The following SPOCK3 variants were observed in gnomAD, a reference collection of about 807,000 sequenced individuals.
The protein encoded by SPOCK3 is testican-3.
A neutral mutation model predicts 56.6 loss-of-function variants in SPOCK3; 30 were observed. The ratio of observed to expected loss-of-function variants is 0.53; its 90% confidence interval spans 0.40 to 0.72. The LOEUF is 0.72. Among genes scored for constraint, SPOCK3 ranks in the 30% least tolerant of loss-of-function variants. The probability of loss-of-function intolerance (pLI) is 0.00; values close to 1 mark genes in which losing one functional copy is unlikely to be tolerated. For missense variants in SPOCK3, 527 were observed against 530.0 expected (o/e 0.99, Z 0.06); for synonymous variants, 196 against 183.3 (o/e 1.07, Z -0.56).
intron 2 of SPOCK3, among the ~76,000 whole-genome samples, chr4:167,064,993 C>A (rs1755967285): frequency 8.3e-6 from 1 of 120,614 alleles, no homozygotes; most frequent in South Asian, 2.7e-4. Context: ...TTACAAACAG[C>A]CATAAACTCC....
chr4:166,993,727 T>C (rs1249835983), intron 4 of SPOCK3, among the ~76,000 whole-genome samples: 2 of 152,182 alleles, frequency 1.3e-5, no homozygotes, highest in African/African-American at 2.4e-5. Context: ...ATACAGTCAC[T>C]ATAATATTCG....
chr4:166,949,856 A>C (rs1432113689), intron 4 of SPOCK3, among the ~76,000 whole-genome samples: 1 of 152,068 alleles, frequency 6.6e-6, no homozygotes, highest in Non-Finnish European at 1.5e-5. Context: ...GTGAAGGAGA[A>C]ATAAAATACT....
At chr4:167,054,475 G>A (rs185645106) in intron 3 of SPOCK3, among the ~76,000 whole-genome samples, 117 of 152,226 alleles carry the variant, frequency 7.7e-4, no homozygotes, top group African/African-American at 2.8e-3. Flanking sequence ...CAAGATGTAT[G>A]TCCTCATCAA....
chr4:167,205,530 T>TATATATTATATAATATATAA (rs1343035754), intron 2 of SPOCK3, among the ~76,000 whole-genome samples: 2 of 60,206 alleles, frequency 3.3e-5, no homozygotes, highest in Non-Finnish European at 5.5e-5. Context: ...ATATATATTA[T>TATATATTATATAATATATAA]TATATAATAT....
intron 2 of SPOCK3, among the ~76,000 whole-genome samples, chr4:167,078,626 T>C (rs1216304463): frequency 1.3e-5 from 2 of 151,824 alleles, no homozygotes; most frequent in East Asian, 3.9e-4. Flanking sequence ...TTAAGTTTTC[T>C]TTGAATAATA....
At chr4:167,045,954 G>A (rs191586290) in intron 3 of SPOCK3, among the ~76,000 whole-genome samples, 36 of 152,026 alleles carry the variant, frequency 2.4e-4, no homozygotes, top group African/African-American at 6.3e-4. Flanking sequence ...CCTTGTCTCC[G>A]AAGAACTTCT....
chr4:167,210,164 T>A (rs1050170497), intron 2 of SPOCK3, among the ~76,000 whole-genome samples: 4 of 152,178 alleles, frequency 2.6e-5, no homozygotes, highest in South Asian at 2.1e-4. Context: ...TACGCACATT[T>A]AATTTCTTAT....
chr4:166,766,707 T>C (rs529924495), intron 7 of SPOCK3, among the ~76,000 whole-genome samples: 8 of 152,338 alleles, frequency 5.3e-5, no homozygotes, highest in African/African-American at 1.9e-4. Context: ...ACTCATAAAA[T>C]GAGTTAGGGA....
At chr4:166,923,183 C>G (rs1738695201) in intron 4 of SPOCK3, among the ~76,000 whole-genome samples, 1 of 152,192 alleles carries the variant, frequency 6.6e-6, no homozygotes, top group Non-Finnish European at 1.5e-5. Context: ...TCTACTCCAT[C>G]TTCCTATCAC....
intron 6 of SPOCK3, among the ~76,000 whole-genome samples, chr4:166,828,150 A>G (rs1448481973): frequency 6.6e-6 from 1 of 151,984 alleles, no homozygotes; most frequent in Admixed American, 6.6e-5. Flanking sequence ...TTGTTGGTTG[A>G]TATGTCCAAT....
At chr4:166,901,096 C>A (rs888766757) in intron 5 of SPOCK3, among the ~76,000 whole-genome samples, 3 of 152,166 alleles carry the variant, frequency 2.0e-5, no homozygotes, top group African/African-American at 7.2e-5. Flanking sequence ...AGTCTAGAAA[C>A]AGGAGATGGC....
chr4:166,981,879 T>A (rs1746616650), intron 4 of SPOCK3, among the ~76,000 whole-genome samples: 1 of 152,058 alleles, frequency 6.6e-6, no homozygotes, highest in South Asian at 2.1e-4. Context: ...GGGACTGAGG[T>A]GGGGAGGCTG....
At chr4:167,148,093 G>A (rs1029601756) in intron 2 of SPOCK3, among the ~76,000 whole-genome samples, 2 of 152,154 alleles carry the variant, frequency 1.3e-5, no homozygotes, top group African/African-American at 4.8e-5. Flanking sequence ...CAATGATGGA[G>A]ATATGGCCTC....
chr4:167,011,964 T>A (rs1443672159), intron 3 of SPOCK3, among the ~76,000 whole-genome samples: 1 of 151,962 alleles, frequency 6.6e-6, no homozygotes, highest in Non-Finnish European at 1.5e-5. Flanking sequence ...GTGATTCAAA[T>A]AAAAATAATT....
chr4:167,178,913 G>A (rs1201730824), intron 2 of SPOCK3, among the ~76,000 whole-genome samples: 1 of 152,032 alleles, frequency 6.6e-6, no homozygotes, highest in African/African-American at 2.4e-5. Flanking sequence ...GTTTTAAAAT[G>A]ACAATTTTTA....
intron 5 of SPOCK3, among the ~76,000 whole-genome samples, chr4:166,895,180 G>A (rs1735240977): frequency 6.6e-6 from 1 of 151,576 alleles, no homozygotes; most frequent in African/African-American, 2.4e-5. Context: ...TTTAATTATT[G>A]GTATGATACA....
intron 2 of SPOCK3, among the ~76,000 whole-genome samples, chr4:167,193,642 T>C (rs1361902909): frequency 1.4e-5 from 2 of 145,908 alleles, no homozygotes; most frequent in Non-Finnish European, 3.0e-5. Context: ...TTACCATATA[T>C]AGTATTCTTA....
At chr4:166,929,275 C>G (rs1281714329) in intron 4 of SPOCK3, among the ~76,000 whole-genome samples, 2 of 152,132 alleles carry the variant, frequency 1.3e-5, no homozygotes, top group Admixed American at 6.5e-5. Flanking sequence ...TCTGAGAATA[C>G]TAGTTTAGGG....
At chr4:167,010,860 T>A (rs934542280) in intron 3 of SPOCK3, among the ~76,000 whole-genome samples, 2 of 152,072 alleles carry the variant, frequency 1.3e-5, no homozygotes, top group African/African-American at 2.4e-5. Context: ...TTAAAAATAG[T>A]GAGGAAGTCG....
Sources: allele counts gnomAD v4.1 joint callset (sites outside exome capture counted in the v4.1 genomes callset), GRCh38; gene constraint gnomAD v4.1.1; transcripts MANE v1.5; gene names NCBI Gene and HGNC (gene_info 2026-07-23, HGNC 2026-07-21).